Variants in ALG14 observed in about 807,000 individuals in gnomAD.
ALG14 encodes ALG14 UDP-N-acetylglucosaminyltransferase subunit, also known as UDP-N-acetylglucosamine transferase subunit ALG14.
Under a neutral mutation model 22.8 loss-of-function variants are expected in ALG14, and 17 were observed. The observed-to-expected ratio is 0.75, with a 90% CI of 0.51 to 1.12. The LOEUF (loss-of-function observed/expected upper bound fraction) is 1.12. Ranked by LOEUF, ALG14 falls within the 50% of genes most tolerant of loss-of-function variation. ALG14 has a pLI of 0.00. For missense variants in ALG14, 288 were observed against 271.8 expected, an observed-to-expected ratio of 1.06 and a Z score of -0.42; for synonymous variants, 89 against 103.7, an observed-to-expected ratio of 0.86 and a Z score of 0.86.
intron 2 of ALG14, among the ~76,000 whole-genome samples, chr1:95,050,118 T>C (rs1437069734): frequency 6.6e-6 from 1 of 152,200 alleles, no homozygotes; most frequent in Non-Finnish European, 1.5e-5. Context: ...CAGAACCAAG[T>C]GTGAATCGAT....
chr1:95,003,504 C>T (rs1028648126), intron 3 of ALG14, among the ~76,000 whole-genome samples: 3 of 148,978 alleles, frequency 2.0e-5, no homozygotes, highest in Non-Finnish European at 4.4e-5. Flanking sequence ...GGCTGGAGTA[C>T]GGTGGCACCA....
chr1:95,072,295 G>A (rs915865916), intron 1 of ALG14, among the ~76,000 whole-genome samples: 2 of 152,134 alleles, frequency 1.3e-5, no homozygotes, highest in African/African-American at 4.8e-5. Context: ...GCCACCGCGT[G>A]TGTATTGTTC....
Position 95,039,744 on chromosome 1 carries a change from G to A in ALG14, c.289-12484C>T, listed in dbSNP as rs192112716. ...GGGTAGACCTAGCAGGCAAGTGGAC[G>A]GAGGAAGACAACTGGGAATCTAGGA... On this transcript the variant is annotated intron_variant, in intron 2 of 3. Coordinates refer to ENST00000370205, the MANE Select transcript of ALG14 (RefSeq NM_144988.4). 1.5e-3 allele frequency among the ~76,000 whole-genome samples: 231 copies of A among 152,274 alleles called. 1 individual carries two copies. The highest frequency in any genetic ancestry group is 5.4e-3 in the African/African-American group (226 of 41,542).
At chr1:94,988,528 T>C (rs1672695253) in intron 3 of ALG14, among the ~76,000 whole-genome samples, 1 of 152,120 alleles carries the variant, frequency 6.6e-6, no homozygotes, top group South Asian at 2.1e-4. Flanking sequence ...AAAGTAAGCA[T>C]GCTGTGGGAG....
intron 3 of ALG14, among the ~76,000 whole-genome samples, chr1:95,005,677 A>C (rs991833381): frequency 2.0e-5 from 3 of 152,170 alleles, no homozygotes; most frequent in Non-Finnish European, 4.4e-5. Context: ...AAGAAAATTA[A>C]AAGAGGAACA....
chr1:94,999,488 C>G (rs1379033928), intron 3 of ALG14, among the ~76,000 whole-genome samples: 1 of 151,994 alleles, frequency 6.6e-6, no homozygotes, highest in Non-Finnish European at 1.5e-5. Context: ...CCCCAACACA[C>G]CAACTTACTC....
chr1:95,022,406 T>C (rs1043916547), intron 3 of ALG14: 21 of 977,636 alleles, frequency 2.1e-5, no homozygotes, highest in Non-Finnish European at 2.6e-5. Context: ...AAACCAGATA[T>C]TTGGGGGGAT....
chr1:95,046,105 A>G (rs1474143164), intron 2 of ALG14, among the ~76,000 whole-genome samples: 1 of 151,982 alleles, frequency 6.6e-6, no homozygotes, highest in Non-Finnish European at 1.5e-5. Context: ...TAGAGGGCAT[A>G]GTGGCCACAA....
At chr1:95,019,523 A>G (rs1433208366) in intron 3 of ALG14, among the ~76,000 whole-genome samples, 1 of 152,172 alleles carries the variant, frequency 6.6e-6, no homozygotes, top group African/African-American at 2.4e-5. Flanking sequence ...CTTTTGAAGA[A>G]CATTTTAATA....
At chr1:95,025,037 C>T (rs567530842) in intron 3 of ALG14, among the ~76,000 whole-genome samples, 1 of 152,194 alleles carries the variant, frequency 6.6e-6, no homozygotes, top group African/African-American at 2.4e-5. Flanking sequence ...ATGGCAGCTA[C>T]AGCCTTACAA....
chr1:94,995,605 C>T (rs1277939967), intron 3 of ALG14, among the ~76,000 whole-genome samples: 1 of 152,188 alleles, frequency 6.6e-6, no homozygotes, highest in Non-Finnish European at 1.5e-5. Flanking sequence ...CCCAGCTACT[C>T]AGGAGGCTGA....
At chr1:95,046,006 A>G (rs930250026) in intron 2 of ALG14, among the ~76,000 whole-genome samples, 4 of 123,174 alleles carry the variant, frequency 3.2e-5, no homozygotes, top group Non-Finnish European at 7.4e-5. Context: ...TATTATACTA[A>G]TTAGTATTAT....
At chr1:94,992,088 C>CT (rs908846338) in intron 3 of ALG14, among the ~76,000 whole-genome samples, 19 of 149,340 alleles carry the variant, frequency 1.3e-4, no homozygotes, top group African/African-American at 2.7e-4. Context: ...TACAGTTAAT[C>CT]TTTTTTTTTT....
At chr1:95,004,387 A>G (rs1233837506) in intron 3 of ALG14, among the ~76,000 whole-genome samples, 1 of 151,688 alleles carries the variant, frequency 6.6e-6, no homozygotes, top group Non-Finnish European at 1.5e-5. Context: ...ATACCTGGCT[A>G]ATTTTCGTAT....
chr1:95,059,124 C>A (rs1321202689), intron 2 of ALG14, among the ~76,000 whole-genome samples: 8 of 151,866 alleles, frequency 5.3e-5, no homozygotes, highest in African/African-American at 1.9e-4. Context: ...CTTGGCTGGG[C>A]ACAGTGGCTG....
In ALG14 at chr1:94,974,826, G is replaced by A. The variant is rs997426436; in HGVS notation, c.*8250C>T. 3.3e-5 allele frequency: 5 copies of A among 152,190 alleles called. No homozygotes were observed. Among genetic ancestry groups the A allele is most frequent in the African/African-American group, 1.2e-4 (5 of 41,436 alleles). 9.4% of individuals were successfully genotyped at this position (152,190 alleles called of 1,614,324 possible). A position where few individuals can be genotyped will look rare whatever the true frequency, so the allele number is the denominator to read the frequency against. On this transcript the variant is annotated 3_prime_UTR_variant, in exon 4 of 4. Coordinates refer to ENST00000370205, the MANE Select transcript of ALG14 (RefSeq NM_144988.4). The stretch of plus-strand genomic sequence containing the variant: ...ACTCTGTGGATCAGCAAATCACAGG[G>A]CACAGAAGGGAGAGCTTTTCTCTCT...
rs1015992048 is a variant in ALG14 at position 94,974,874 on chromosome 1, T to G, written c.*8202A>C. The G allele has an allele frequency of 1.3e-5, 2 of 152,224 alleles. No homozygotes were observed. Among genetic ancestry groups the G allele is most frequent in the African/African-American group, 4.8e-5 (2 of 41,452 alleles). The allele number at this position is 152,224 out of a possible 1,614,324, so 9.4% of individuals were successfully genotyped here. A position where few individuals can be genotyped will look rare whatever the true frequency, so the allele number is the denominator to read the frequency against. On this transcript the variant is annotated 3_prime_UTR_variant, in exon 4 of 4. Coordinates refer to ENST00000370205, the MANE Select transcript of ALG14 (RefSeq NM_144988.4). ...TCTTCCAAGGTGTCTGAGCCTCAGC[T>G]GGGAAGACCAGAAAGCCTGGAGTGA...
rs1435061540 is a variant in ALG14, at chr1:95,058,502, G to T, written c.288+6364C>A. ...CGCCGTGGCACATGCCTGTAATCCC[G>T]ACTACTTGGGAGGCTGAGTCAGGAG... On this transcript the variant is annotated intron_variant, in intron 2 of 3. Coordinates refer to ENST00000370205, the MANE Select transcript of ALG14 (RefSeq NM_144988.4). Among the ~76,000 whole-genome samples the T allele has an allele frequency of 5.4e-5, 8 of 147,510 alleles. No individual in the cohort carries two copies. In the South Asian group the frequency reaches 1.5e-3, roughly 28 times the overall value.
Position 94,981,207 on chromosome 1 carries a change from G to A in ALG14, c.*1869C>T, listed in dbSNP as rs1398864415. ...AAGGCTTATTTCACCTCAGCCCCTGGTTGTATGATACTAATACGCTCTGAT... is the reference window on the plus strand; with the variant it reads ...AAGGCTTATTTCACCTCAGCCCCTGATTGTATGATACTAATACGCTCTGAT... On this transcript the variant is annotated 3_prime_UTR_variant, in exon 4 of 4. Transcript: ENST00000370205. 1.3e-5 allele frequency: 2 copies of A among 152,034 alleles called. No individual in the cohort carries two copies. Among genetic ancestry groups the A allele is most frequent in the Non-Finnish European group, 2.9e-5 (2 of 67,970 alleles). 9.4% of individuals were successfully genotyped at this position (152,034 alleles called of 1,614,324 possible).
Sources: allele counts gnomAD v4.1 joint callset (sites outside exome capture counted in the v4.1 genomes callset), GRCh38; gene constraint gnomAD v4.1.1; transcripts MANE v1.5; gene names NCBI Gene and HGNC (gene_info 2026-07-23, HGNC 2026-07-21).